DAO: variants seen among roughly 807,000 people sequenced by gnomAD.
The protein encoded by DAO is D-amino acid oxidase, also known as D-amino-acid oxidase.
In DAO, 51 loss-of-function variants were observed where a neutral mutation model predicts 50.1. The ratio of observed to expected loss-of-function variants is 1.02; its 90% confidence interval spans 0.81 to 1.29. The LOEUF is 1.29. Ranked by LOEUF, DAO falls within the 50% of genes most tolerant of loss-of-function variation. The pLI is 0.00. For synonymous variants in DAO, 160 were observed against 166.2 expected (o/e 0.96, Z 0.29); for missense variants, 436 against 439.4 (o/e 0.99, Z 0.07).
chr12:108,881,556 T>A (rs1009122194), intron 1 of DAO, among the ~76,000 whole-genome samples: 48 of 151,238 alleles, frequency 3.2e-4, no homozygotes, highest in African/African-American at 1.1e-3. Flanking sequence ...TGAATTTTTT[T>A]AAAAAAAGAT....
At chr12:108,885,259 A>T (rs1037951849) in intron 2 of DAO, 59 bp downstream of exon 2, 1 of 1,534,246 alleles carries the variant, frequency 6.5e-7, no homozygotes, top group Non-Finnish European at 8.9e-7. Context: ...CTGCAGAGGG[A>T]GTCAGGGTTC....
At chr12:108,883,944 G>A (rs2070586) in intron 1 of DAO, among the ~76,000 whole-genome samples, 39,165 of 152,226 alleles carry the variant, frequency 0.26, 6,093 homozygotes, top group Admixed American at 0.41. Flanking sequence ...TGAGGTCTGC[G>A]GGAGGAGAGT....
chr12:108,896,467 T>C (rs2039559110), intron 7 of DAO, among the ~76,000 whole-genome samples: 1 of 138,622 alleles, frequency 7.2e-6, no homozygotes. Context: ...GAAAAAGGAA[T>C]GGAGGAAGTT....
intron 4 of DAO, among the ~76,000 whole-genome samples, chr12:108,889,957 A>G (rs2039473377): frequency 6.6e-6 from 1 of 151,532 alleles, no homozygotes; most frequent in Non-Finnish European, 1.5e-5. Context: ...CCCACACCAC[A>G]CCTGAATCCC....
At chr12:108,895,962 G>A (rs1372486596) in intron 7 of DAO, among the ~76,000 whole-genome samples, 2 of 151,772 alleles carry the variant, frequency 1.3e-5, no homozygotes, top group African/African-American at 4.8e-5. Flanking sequence ...GGAAAAACGC[G>A]AGTCACAGAT....
Position 108,894,195 on chromosome 12 carries a change from A to G in DAO, c.508-68A>G, listed in dbSNP as rs79406702. ...CAGATTGAGGGTAGAAGAAAGGGGA[A>G]GAGAGAACAGGGAATACCAGGGTCT... On this transcript the variant is annotated intron_variant, in intron 6 of 10. Transcript: ENST00000228476. The G allele has an allele frequency of 1.7e-3, 1,968 of 1,188,824 alleles. 27 individuals are homozygous for G. In the African/African-American group the frequency reaches 0.026, roughly 16 times the overall value. 73.6% of individuals were successfully genotyped at this position (1,188,824 alleles called of 1,614,324 possible). A position where few individuals can be genotyped will look rare whatever the true frequency, so the allele number is the denominator to read the frequency against.
Position 108,890,292 on chromosome 12 carries a change from C to T in DAO, c.452+19C>T, listed in dbSNP as rs1446548374. 1.2e-6 allele frequency: 2 copies of T among 1,604,234 alleles called. No homozygotes were observed. Among genetic ancestry groups the T allele is most frequent in the Non-Finnish European group, 1.7e-6 (2 of 1,171,222 alleles). On this transcript the variant is annotated intron_variant, in intron 5 of 10. Coordinates refer to ENST00000228476, the MANE Select transcript of DAO (RefSeq NM_001917.5). ...CTGAAAGGTGAGATTTTAAGCTTCA[C>T]TTTGAGGGAGGTACCTCCCAGAGAC...
Position 108,900,598 on chromosome 12 carries a change from A to G in DAO, c.*63A>G. ...CCTTCTCCCCTCAGCCAATGAATCA[A>G]TGTGCTCCTTCATAAGCCATTGCTT... On this transcript the variant is annotated 3_prime_UTR_variant, in exon 11 of 11. Coordinates refer to ENST00000228476, the MANE Select transcript of DAO (RefSeq NM_001917.5). 6.3e-7 allele frequency: 1 copy of G among 1,596,262 alleles called. No individual in the cohort carries two copies. Among genetic ancestry groups the G allele is most frequent in the Admixed American group, 1.7e-5 (1 of 59,862 alleles).
intron 1 of DAO, among the ~76,000 whole-genome samples, chr12:108,881,834 G>A (rs2039385436): frequency 6.6e-6 from 1 of 151,722 alleles, no homozygotes; most frequent in Non-Finnish European, 1.5e-5. Context: ...TTGAACTCCC[G>A]ACCTCAAGTG....
intron 9 of DAO, 63 bp from the exon 10 acceptor site, chr12:108,899,314 T>G (rs2039596484): frequency 8.4e-7 from 1 of 1,184,760 alleles, no homozygotes; most frequent in Admixed American, 2.0e-5. Context: ...AACTCCCTAC[T>G]ACCTAAAAAT....
chr12:108,896,162 A>G (rs998053714), intron 7 of DAO, among the ~76,000 whole-genome samples: 3 of 151,936 alleles, frequency 2.0e-5, no homozygotes, highest in African/African-American at 7.3e-5. Flanking sequence ...GGTGACTCAC[A>G]CCTGTAATCC....
At chr12:108,892,776 C>T (rs139281696) in intron 5 of DAO, among the ~76,000 whole-genome samples, 153 of 152,294 alleles carry the variant, frequency 1.0e-3, no homozygotes, top group African/African-American at 3.6e-3. Context: ...CTTGGACCAT[C>T]TCTGGTTTCT....
intron 2 of DAO, among the ~76,000 whole-genome samples, chr12:108,886,614 G>C (rs1355264717): frequency 6.6e-6 from 1 of 152,086 alleles, no homozygotes; most frequent in Non-Finnish European, 1.5e-5. Context: ...ACACATGCAT[G>C]CTATCATGCC....
intron 7 of DAO, among the ~76,000 whole-genome samples, chr12:108,895,782 T>C (rs1429832440): frequency 6.6e-6 from 1 of 151,834 alleles, no homozygotes; most frequent in Non-Finnish European, 1.5e-5. Flanking sequence ...GGTGTGTGTG[T>C]GCATGTGCAC....
intron 9 of DAO, 120 bp from the exon 10 acceptor site, chr12:108,899,256 GA>G (rs2039596157): frequency 1.4e-6 from 1 of 722,524 alleles, no homozygotes; most frequent in Admixed American, 2.0e-5. Flanking sequence ...GATTGATAAA[GA>G]TGACTGTGAT....
intron 7 of DAO, among the ~76,000 whole-genome samples, chr12:108,894,692 T>C (rs1438026582): frequency 6.6e-6 from 1 of 152,126 alleles, no homozygotes; most frequent in East Asian, 1.9e-4. Context: ...TTATTATTAT[T>C]ATTAATTATT....
At chr12:108,890,324 G>A (rs1180182012) in intron 5 of DAO, 51 bp downstream of exon 5, 1 of 1,431,278 alleles carries the variant, frequency 7.0e-7, no homozygotes, top group Non-Finnish European at 9.9e-7. Flanking sequence ...AGACCAAGTT[G>A]TAGTGGAAGA....
Position 108,887,523 on chromosome 12 carries a change from T to G in DAO, c.268T>G (p.Phe90Val), listed in dbSNP as rs146917361. Residue 90 changes from phenylalanine (F) to valine (V), a missense_variant, in exon 3 of 11, where the codon TTC (phenylalanine) becomes GTC (valine). Phe to Val is a conservative substitution (Grantham distance 50). Coordinates refer to ENST00000228476, the MANE Select transcript of DAO (RefSeq NM_001917.5). ...HSPNAENLGLFLISGYNLFHE... is the reference protein window; with the variant it reads ...HSPNAENLGLVLISGYNLFHE... ...TCCCAACGCTGAAAACCTGGGCCTGTTCCTAATCTCGGGCTACAACCTCTT... is the reference window on the plus strand; with the variant it reads ...TCCCAACGCTGAAAACCTGGGCCTGGTCCTAATCTCGGGCTACAACCTCTT... 2.4e-4 allele frequency: 390 copies of G among 1,613,948 alleles called. No individual in the cohort carries two copies. The highest frequency in any genetic ancestry group is 3.8e-4 in the Admixed American group (23 of 59,982).
chr12:108,895,509 TG>T (rs1440403053), intron 7 of DAO, among the ~76,000 whole-genome samples: 1 of 136,044 alleles, frequency 7.4e-6, no homozygotes, highest in African/African-American at 2.9e-5. Flanking sequence ...ATATGTGTGA[TG>T]GTGTGCGTGC....
Sources: allele counts gnomAD v4.1 joint callset (sites outside exome capture counted in the v4.1 genomes callset), GRCh38; gene constraint gnomAD v4.1.1; transcripts MANE v1.5; gene names NCBI Gene and HGNC (gene_info 2026-07-23, HGNC 2026-07-21).